Variants in RABGAP1L observed in about 807,000 individuals in gnomAD.
RABGAP1L encodes RAB GTPase activating protein 1 like.
RABGAP1L carries 63 observed loss-of-function variants against 137.7 expected under a neutral mutation model. The ratio of observed to expected loss-of-function variants is 0.46; its 90% CI spans 0.37 to 0.56. RABGAP1L has a LOEUF of 0.56. Among genes scored for constraint, RABGAP1L ranks in the 20% least tolerant of loss-of-function variants. The pLI is 0.00. For missense variants in RABGAP1L, 1,095 were observed against 1,244.0 expected, an observed-to-expected ratio of 0.88 and a Z score of 1.80; for synonymous variants, 431 against 433.7, an observed-to-expected ratio of 0.99 and a Z score of 0.08.
chr1:174,314,694 T>C (rs1679203763), intron 11 of RABGAP1L, among the ~76,000 whole-genome samples: 1 of 152,180 alleles, frequency 6.6e-6, no homozygotes, highest in Non-Finnish European at 1.5e-5. Context: ...TGTGTTTCCT[T>C]AATCATTTAT....
chr1:174,241,831 C>G (rs1671852761), intron 5 of RABGAP1L, among the ~76,000 whole-genome samples, 174 bp downstream of exon 5: 1 of 152,124 alleles, frequency 6.6e-6, no homozygotes, highest in African/African-American at 2.4e-5. Flanking sequence ...TCTGGTATAT[C>G]TGCATAGGTA....
chr1:174,706,550 G>T (rs993128085), intron 17 of RABGAP1L, among the ~76,000 whole-genome samples: 2 of 151,968 alleles, frequency 1.3e-5, no homozygotes, highest in Admixed American at 6.5e-5. Flanking sequence ...ATAAAACATT[G>T]CAGTCTTTAA....
intron 13 of RABGAP1L, among the ~76,000 whole-genome samples, chr1:174,542,887 C>T (rs1487497352): frequency 6.6e-6 from 1 of 152,118 alleles, no homozygotes; most frequent in East Asian, 1.9e-4. Flanking sequence ...GTTCAGTTTC[C>T]ATGTAGTTGA....
intron 10 of RABGAP1L, among the ~76,000 whole-genome samples, chr1:174,303,046 T>A (rs1677869695): frequency 6.6e-6 from 1 of 152,054 alleles, no homozygotes; most frequent in African/African-American, 2.4e-5. Flanking sequence ...TTTTCTTTTT[T>A]TTTTTAACTT....
intron 18 of RABGAP1L, among the ~76,000 whole-genome samples, chr1:174,759,464 G>T (rs540198921): frequency 2.0e-5 from 3 of 151,710 alleles, no homozygotes; most frequent in Non-Finnish European, 2.9e-5. Flanking sequence ...GCATGGTGGC[G>T]TGTGCCTGTA....
At position 174,167,986 on chromosome 1, in the gene RABGAP1L, C is replaced by T. The variant is rs984947848; in HGVS notation, c.-34+8329C>T. Among the ~76,000 whole-genome samples, 91 of 151,912 alleles carry T rather than the reference C, an allele frequency of 6.0e-4. 2 individuals carry two copies. The highest frequency in any genetic ancestry group is 5.2e-3 in the Admixed American group (80 of 15,258). On this transcript the variant is annotated intron_variant, in intron 1 of 25. Transcript: ENST00000681986. ...AATTTATCTTGCATACATTGATGGC[C>T]GGGGGTGGTGGCCCACACCTGTAAT...
chr1:174,946,725 A>T (rs965683628), intron 19 of RABGAP1L, among the ~76,000 whole-genome samples: 7 of 150,916 alleles, frequency 4.6e-5, no homozygotes. Context: ...ACATGGTAAA[A>T]CCCCATCTCT....
rs1278901987 is a variant in RABGAP1L at position 174,448,625 on chromosome 1, A to G, written c.1710+54480A>G. 2 of 1,613,716 alleles carry G rather than the reference A, an allele frequency of 1.2e-6. No individual in the cohort carries two copies. Among genetic ancestry groups the G allele is most frequent in the Non-Finnish European group, 8.5e-7 (1 of 1,179,818 alleles). ...TTTGATCTGGATCTACTCCTGCCTA[A>G]TTTTCTTGCCTTCCTTTTTTGGCTG... is the stretch of plus-strand genomic sequence containing the variant. On this transcript the variant is annotated intron_variant, in intron 13 of 25. Coordinates refer to ENST00000681986, the MANE Select transcript of RABGAP1L (RefSeq NM_001366446.1). This position sits in a 1 kb window ranked among gnomAD's most constrained non-coding sequence, Gnocchi z 4.2.
At chr1:174,895,366 CAAA>C (rs1250540632) in intron 19 of RABGAP1L, among the ~76,000 whole-genome samples, 1 of 148,556 alleles carries the variant, frequency 6.7e-6, no homozygotes, top group East Asian at 2.0e-4. Context: ...TAATTTAAGA[CAAA>C]AGTAATAATT....
intron 13 of RABGAP1L, among the ~76,000 whole-genome samples, chr1:174,484,996 T>C (rs935414426): frequency 2.0e-5 from 3 of 152,214 alleles, no homozygotes; most frequent in Non-Finnish European, 4.4e-5. Flanking sequence ...ATGAAATATC[T>C]ATCCATTTGT....
chr1:174,538,568 A>C (rs930812708), intron 13 of RABGAP1L, among the ~76,000 whole-genome samples: 1 of 152,154 alleles, frequency 6.6e-6, no homozygotes, highest in Non-Finnish European at 1.5e-5. Flanking sequence ...TACTCTTTGA[A>C]CTGCATCTTG....
chr1:174,530,594 T>C (rs569295004), intron 13 of RABGAP1L, among the ~76,000 whole-genome samples: 1 of 152,124 alleles, frequency 6.6e-6, no homozygotes, highest in East Asian at 1.9e-4. Flanking sequence ...CATTGGGGAG[T>C]AGCTCTCAGC....
chr1:174,189,961 T>A (rs1667088611), intron 1 of RABGAP1L, among the ~76,000 whole-genome samples: 2 of 152,138 alleles, frequency 1.3e-5, no homozygotes, highest in Admixed American at 6.5e-5. Context: ...TGCCATGTGA[T>A]TCCCTGTTCT....
chr1:174,888,246 G>A (rs1169958714), intron 19 of RABGAP1L, among the ~76,000 whole-genome samples: 4 of 152,048 alleles, frequency 2.6e-5, no homozygotes, highest in Admixed American at 2.6e-4. Flanking sequence ...ATAACACAGT[G>A]GATTATTGGC....
At chr1:174,870,883 G>T (rs955285011) in intron 19 of RABGAP1L, among the ~76,000 whole-genome samples, 1 of 150,840 alleles carries the variant, frequency 6.6e-6, no homozygotes, top group Non-Finnish European at 1.5e-5. Context: ...GACTACAGGC[G>T]CCTGCCACAA....
In RABGAP1L at chr1:174,927,515, A is replaced by T. The variant is rs540090069; in HGVS notation, c.2341-29942A>T. On this transcript the variant is annotated intron_variant, in intron 19 of 25. Coordinates refer to ENST00000681986, the MANE Select transcript of RABGAP1L (RefSeq NM_001366446.1). ...AAAGTGCTGTGATTACAGGAATGAGACAACACACCAAGCCATATTTCCTCT... is the reference window on the plus strand; with the variant it reads ...AAAGTGCTGTGATTACAGGAATGAGTCAACACACCAAGCCATATTTCCTCT... Among the ~76,000 whole-genome samples, 3 of 152,170 alleles carry T rather than the reference A, an allele frequency of 2.0e-5. No homozygotes were observed. In the South Asian group the frequency reaches 6.2e-4, roughly 32 times the overall value.
At chr1:174,539,378 G>A (rs914209028) in intron 13 of RABGAP1L, among the ~76,000 whole-genome samples, 4 of 151,656 alleles carry the variant, frequency 2.6e-5, no homozygotes, top group African/African-American at 9.7e-5. Context: ...GTGCCACGTG[G>A]GTGTGCTGTA....
At chr1:174,987,637 C>T (rs1671709401) in intron 24 of RABGAP1L, among the ~76,000 whole-genome samples, 1 of 152,106 alleles carries the variant, frequency 6.6e-6, no homozygotes, top group African/African-American at 2.4e-5. Context: ...GTGATGGACA[C>T]ATTGAGCTTG....
chr1:174,834,552 T>G (rs1201380718), intron 19 of RABGAP1L, among the ~76,000 whole-genome samples: 1 of 151,428 alleles, frequency 6.6e-6, no homozygotes, highest in Non-Finnish European at 1.5e-5. Context: ...AAGCCAGGAC[T>G]CTCAAAGACT....
Sources: allele counts gnomAD v4.1 joint callset (sites outside exome capture counted in the v4.1 genomes callset), GRCh38; gene constraint gnomAD v4.1.1; non-coding constraint Gnocchi (gnomAD v3.1); transcripts MANE v1.5; gene names NCBI Gene and HGNC (gene_info 2026-07-23, HGNC 2026-07-21).